The following THTPA variants were observed in gnomAD, a reference collection of about 807,000 sequenced individuals.
THTPA encodes thiamine-triphosphatase.
A neutral mutation model predicts 16.5 loss-of-function variants in THTPA; 16 were observed. The ratio of observed to expected loss-of-function variants is 0.97; its 90% CI spans 0.66 to 1.47. The LOEUF is 1.47. THTPA is among the 40% of genes most tolerant of loss of function. The probability of loss-of-function intolerance (pLI) is 0.00; values close to 1 mark genes in which losing one functional copy is unlikely to be tolerated. For synonymous variants in THTPA, 110 were observed against 115.5 expected (o/e 0.95, Z 0.30); for missense variants, 281 against 280.9 (o/e 1.00, Z 0.00).
chr14:23,554,350 C>T (rs951497414), upstream of THTPA, among the ~76,000 whole-genome samples: 8 of 152,034 alleles, frequency 5.3e-5, no homozygotes, highest in African/African-American at 1.4e-4. Context: ...AGAGGTTGAC[C>T]CAAGCTACTC....
At chr14:23,524,335 T>C in the THTPA span, 4 of 1,536,330 alleles carry the variant, frequency 2.6e-6, no homozygotes, top group African/African-American at 5.5e-5. The surrounding 1 kb of genome is among the most constrained non-coding windows in gnomAD (Gnocchi z 5.6). Flanking sequence ...ACAGGATCTC[T>C]AGCTGCTCAG....
chr14:23,531,023 G>A, the THTPA span: 1 of 157,376 alleles, frequency 6.4e-6, no homozygotes, highest in Non-Finnish European at 1.4e-5. Flanking sequence ...AGACCTCCTA[G>A]GAGACAGGAA....
chr14:23,559,054 T>A lies in THTPA; in HGVS notation c.*214T>A. The A allele has an allele frequency of 1.7e-6, 1 of 587,500 alleles. No individual in the cohort carries two copies. Among genetic ancestry groups the A allele is most frequent in the Non-Finnish European group, 3.0e-6 (1 of 337,728 alleles). The allele number at this position is 587,500 out of a possible 1,614,324, so 36.4% of individuals were successfully genotyped here. A position where few individuals can be genotyped will look rare whatever the true frequency, so the allele number is the denominator to read the frequency against. ...TCAGATGCAATCTGTGGGCCGCCCC[T>A]CTCCCCTGGCCGCTAAGCAGCCTCC... On this transcript the variant is annotated 3_prime_UTR_variant, in exon 2 of 2. Transcript: ENST00000288014.
chr14:23,526,217 G>T, the THTPA span: 3 of 1,536,420 alleles, frequency 2.0e-6, no homozygotes, highest in South Asian at 3.6e-5. Flanking sequence ...GTCTGTGGCA[G>T]CAGTGGTGGT....
the THTPA span, chr14:23,526,801 G>A: frequency 1.3e-6 from 2 of 1,523,682 alleles, no homozygotes; most frequent in South Asian, 2.4e-5. Context: ...GGCCCATGGA[G>A]TCCCCTTTCC....
the THTPA span, chr14:23,534,163 G>T: frequency 5.0e-5 from 74 of 1,472,766 alleles, no homozygotes; most frequent in Non-Finnish European, 6.3e-5. This position sits in a 1 kb window ranked among gnomAD's most constrained non-coding sequence, Gnocchi z 4.5. Context: ...TTGGTTGAGT[G>T]GGGGGCAGAG....
chr14:23,536,680 A>T, the THTPA span, among the ~76,000 whole-genome samples: 14 of 152,224 alleles, frequency 9.2e-5, no homozygotes, highest in Admixed American at 7.2e-4. Flanking sequence ...AGAAACAGAG[A>T]TGTTAAGTGA....
chr14:23,520,398 G>GT, the THTPA span, among the ~76,000 whole-genome samples: 2 of 151,756 alleles, frequency 1.3e-5, no homozygotes, highest in South Asian at 2.1e-4. This position sits in a 1 kb window ranked among gnomAD's most constrained non-coding sequence, Gnocchi z 8.7. Flanking sequence ...GGCCTCCAGG[G>GT]GGGCAGCAGG....
chr14:23,525,703 G>C, the THTPA span: 1 of 1,524,916 alleles, frequency 6.6e-7, no homozygotes. The surrounding 1 kb of genome is among the most constrained non-coding windows in gnomAD (Gnocchi z 5.9). Flanking sequence ...TGGCCATGGG[G>C]GGCCGCTCCC....
At chr14:23,551,747 G>A (rs1881976918), upstream of THTPA, 1 of 153,142 alleles carries the variant, frequency 6.5e-6, no homozygotes, top group Non-Finnish European at 1.5e-5. The surrounding 1 kb of genome is among the most constrained non-coding windows in gnomAD (Gnocchi z 5.3). Context: ...TGGAGTCTAG[G>A]CGTCCCACAC....
the THTPA span, chr14:23,533,580 A>T: frequency 6.5e-7 from 1 of 1,536,598 alleles, no homozygotes; most frequent in Non-Finnish European, 8.7e-7. This position sits in a 1 kb window ranked among gnomAD's most constrained non-coding sequence, Gnocchi z 4.8. Context: ...TGCGCAGGTT[A>T]CGGGAGATGT....
chr14:23,537,132 C>T, the THTPA span, among the ~76,000 whole-genome samples: 1 of 151,942 alleles, frequency 6.6e-6, no homozygotes, highest in Non-Finnish European at 1.5e-5. Flanking sequence ...TCAGCCTGGG[C>T]AACAAGAATG....
At chr14:23,535,124 C>T in the THTPA span, 33 of 1,536,016 alleles carry the variant, frequency 2.1e-5, no homozygotes, top group Admixed American at 2.4e-4. This position sits in a 1 kb window ranked among gnomAD's most constrained non-coding sequence, Gnocchi z 4.5. Context: ...TTTGGTGGGA[C>T]GAGGCCACAG....
In THTPA at chr14:23,559,832, G is replaced by A; in HGVS notation, c.*992G>A. ...TGAAAGTGGTCGTAGGTGAGGCGCA[G>A]CTTTAGCCGCAGGGGGGCCTAGGAA... On this transcript the variant is annotated 3_prime_UTR_variant, in exon 2 of 2. Transcript: ENST00000288014. The A allele has an allele frequency of 1.2e-6, 2 of 1,614,120 alleles. No individual in the cohort carries two copies. Among genetic ancestry groups the A allele is most frequent in the Non-Finnish European group, 1.7e-6 (2 of 1,180,024 alleles).
chr14:23,522,765 C>T, the THTPA span: 1 of 1,536,434 alleles, frequency 6.5e-7, no homozygotes, highest in South Asian at 1.2e-5. Context: ...ACCTTGTCCC[C>T]CAAGGGCTCA....
the THTPA span, among the ~76,000 whole-genome samples, chr14:23,537,045 C>A: frequency 6.6e-6 from 1 of 152,126 alleles, no homozygotes; most frequent in Non-Finnish European, 1.5e-5. Flanking sequence ...GAGGCTGAGG[C>A]AGGAGAACAG....
chr14:23,535,603 T>A, the THTPA span, among the ~76,000 whole-genome samples: 401 of 152,260 alleles, frequency 2.6e-3, 3 homozygotes, highest in African/African-American at 9.3e-3. The surrounding 1 kb of genome is among the most constrained non-coding windows in gnomAD (Gnocchi z 4.5). Context: ...TTAATTAATT[T>A]TTTTTTGAGA....
At chr14:23,532,888 C>T in the THTPA span, 507 of 1,536,186 alleles carry the variant, frequency 3.3e-4, 1 homozygote, top group Non-Finnish European at 3.8e-4. Flanking sequence ...ATTCAGCTTC[C>T]GGGAGGCTCC....
the THTPA span, chr14:23,530,307 C>G: frequency 1.2e-6 from 1 of 822,432 alleles, no homozygotes; most frequent in Non-Finnish European, 2.0e-6. Flanking sequence ...AAATGGATGG[C>G]TCAATCAGCA....
Sources: gnomAD v4.1 joint callset for allele counts (sites outside exome capture counted in the v4.1 genomes callset) on GRCh38, gnomAD v4.1.1 for gene constraint, Gnocchi (gnomAD v3.1) non-coding constraint, MANE v1.5 for transcripts, NCBI Gene and HGNC (gene_info 2026-07-23, HGNC 2026-07-21) for gene names.